The following ATL1 variants were observed in gnomAD, a reference collection of about 807,000 sequenced individuals.
ATL1 encodes atlastin-1.
Under a neutral mutation model 75.5 loss-of-function variants are expected in ATL1, and 31 were observed. The observed-to-expected ratio is 0.41, with a 90% CI of 0.31 to 0.55. The LOEUF (loss-of-function observed/expected upper bound fraction) is 0.55, where lower values mean the gene tolerates loss of function less well. ATL1 is among the 20% of genes least tolerant of loss of function. The pLI, the probability that ATL1 is intolerant of heterozygous loss-of-function variation, is 0.27. For synonymous variants in ATL1, 226 were observed against 233.3 expected, an observed-to-expected ratio of 0.97 and a Z score of 0.28; for missense variants, 405 against 662.6, an observed-to-expected ratio of 0.61 and a Z score of 4.27.
intron 10 of ATL1, 74 bp downstream of exon 10, chr14:50,621,973 A>G: frequency 1.0e-6 from 1 of 978,304 alleles, no homozygotes; most frequent in Non-Finnish European, 1.6e-6. Context: ...GAAATAACCA[A>G]ATAACAATAT....
intron 1 of ATL1, among the ~76,000 whole-genome samples, chr14:50,574,105 C>T (rs917920548): frequency 3.9e-5 from 6 of 152,120 alleles, no homozygotes; most frequent in African/African-American, 1.4e-4. Context: ...GGAGGACATT[C>T]ACCTGGGACT....
upstream of ATL1, among the ~76,000 whole-genome samples, chr14:50,556,288 G>T: frequency 6.6e-6 from 1 of 152,114 alleles, no homozygotes; most frequent in South Asian, 2.1e-4. Flanking sequence ...GAAGTGCAGC[G>T]GCCTGAATCC....
At chr14:50,580,553 A>G (rs911326799) in intron 1 of ATL1, among the ~76,000 whole-genome samples, 5 of 152,158 alleles carry the variant, frequency 3.3e-5, no homozygotes, top group African/African-American at 1.2e-4. Context: ...TTGAATTCCT[A>G]TAATAGATAC....
intron 4 of ATL1, among the ~76,000 whole-genome samples, chr14:50,592,899 C>A (rs1399305021): frequency 7.5e-5 from 9 of 120,468 alleles, no homozygotes; most frequent in Non-Finnish European, 1.3e-4. Flanking sequence ...GGTGACAGGG[C>A]GAGACTCCCG....
intron 13 of ATL1, 73 bp from the exon 14 acceptor site, chr14:50,632,156 A>C (rs964984147): frequency 1.9e-6 from 2 of 1,029,904 alleles, no homozygotes; most frequent in African/African-American, 1.6e-5. Flanking sequence ...ACAGTACGAT[A>C]AACTAAAAAG....
upstream of ATL1, among the ~76,000 whole-genome samples, chr14:50,556,709 C>G (rs1487313996): frequency 6.6e-6 from 1 of 152,158 alleles, no homozygotes; most frequent in Non-Finnish European, 1.5e-5. Context: ...TTAGATTTGC[C>G]TATTCTATAA....
intron 6 of ATL1, among the ~76,000 whole-genome samples, chr14:50,597,878 G>T (rs577864694): frequency 9.9e-5 from 15 of 152,046 alleles, no homozygotes; most frequent in Non-Finnish European, 1.3e-4. Context: ...TGTGTTTTTA[G>T]TAGAGACAGG....
intron 1 of ATL1, among the ~76,000 whole-genome samples, chr14:50,537,386 G>T (rs2038507634): frequency 1.3e-5 from 2 of 152,204 alleles, no homozygotes; most frequent in South Asian, 4.1e-4. Flanking sequence ...CAGGGGTAGT[G>T]CCCTCACGGA....
At chr14:50,592,979 A>G (rs759876994) in intron 4 of ATL1, among the ~76,000 whole-genome samples, 2 of 149,064 alleles carry the variant, frequency 1.3e-5, no homozygotes, top group African/African-American at 4.9e-5. Context: ...TTATATATAT[A>G]TGTGTGTACA....
chr14:50,611,863 A>G (rs1463284169), intron 6 of ATL1, among the ~76,000 whole-genome samples: 1 of 152,128 alleles, frequency 6.6e-6, no homozygotes, highest in Non-Finnish European at 1.5e-5. Flanking sequence ...GACAATATCA[A>G]CCAGTCCTGA....
intron 2 of ATL1, among the ~76,000 whole-genome samples, chr14:50,588,655 G>A (rs1479169107): frequency 2.6e-5 from 4 of 152,076 alleles, no homozygotes; most frequent in South Asian, 2.1e-4. Context: ...TTGGGAGGCC[G>A]AGGTGGGTGG....
chr14:50,602,940 TATGTCATTCTCA>T (rs940090926), intron 6 of ATL1, among the ~76,000 whole-genome samples: 4 of 152,240 alleles, frequency 2.6e-5, no homozygotes, highest in Admixed American at 2.6e-4. Flanking sequence ...CTGCACTCTC[TATGTCATTCTCA>T]AGCACATATT....
At chr14:50,631,005 T>A (rs890668038) in intron 13 of ATL1, 3 of 452,992 alleles carry the variant, frequency 6.6e-6, no homozygotes, top group Non-Finnish European at 1.3e-5. Flanking sequence ...ACGCCTGTAA[T>A]CCCAGCACTT....
chr14:50,598,779 A>G (rs996300721), intron 6 of ATL1, among the ~76,000 whole-genome samples: 4 of 152,214 alleles, frequency 2.6e-5, no homozygotes, highest in Non-Finnish European at 4.4e-5. Flanking sequence ...CAGTGGAACT[A>G]AACAGTTTAA....
In ATL1 at chr14:50,613,428, TACTC is replaced by T. The variant is rs1206038185; in HGVS notation, c.723+79_723+82del. The T allele has an allele frequency of 8.2e-6, 9 of 1,102,402 alleles. No individual in the cohort carries two copies. In the East Asian group the frequency reaches 1.9e-4, roughly 24 times the overall value. 68.3% of individuals were successfully genotyped at this position (1,102,402 alleles called of 1,614,324 possible). On this transcript the variant is annotated intron_variant, in intron 7 of 13. Transcript: ENST00000358385. The stretch of plus-strand genomic sequence containing the variant: ...TCTGTTGGATCATTTGGTGAATAGA[TACTC>T]AGTAGCCACTAGCCGCAATCTCATT...
intron 1 of ATL1, among the ~76,000 whole-genome samples, chr14:50,539,849 A>G (rs1281599013): frequency 6.6e-6 from 1 of 152,228 alleles, no homozygotes; most frequent in African/African-American, 2.4e-5. Flanking sequence ...CTTACAATCT[A>G]TGTGCTGAGA....
At chr14:50,595,508 G>C in intron 5 of ATL1, 68 bp from the exon 6 acceptor site, 1 of 1,462,886 alleles carries the variant, frequency 6.8e-7, no homozygotes, top group Non-Finnish European at 9.5e-7. Flanking sequence ...AAACTTTGCA[G>C]GTGCTAAAGT....
chr14:50,577,675 C>A (rs765067044), intron 1 of ATL1, among the ~76,000 whole-genome samples: 3 of 152,134 alleles, frequency 2.0e-5, no homozygotes. Flanking sequence ...CTTCCTACTC[C>A]CCAGCTCTGG....
At chr14:50,558,096 G>A (rs112796971), upstream of ATL1, among the ~76,000 whole-genome samples, 1,562 of 152,316 alleles carry the variant, frequency 0.01, 12 homozygotes, top group Non-Finnish European at 0.016. Flanking sequence ...GGGAATGCCA[G>A]CTACTTAATT....
Sources: gnomAD v4.1 joint callset for allele counts (sites outside exome capture counted in the v4.1 genomes callset) on GRCh38, gnomAD v4.1.1 for gene constraint, MANE v1.5 for transcripts, NCBI Gene and HGNC (gene_info 2026-07-23, HGNC 2026-07-21) for gene names.